Variants in PTPRK observed in about 807,000 individuals in gnomAD.
The protein encoded by PTPRK is receptor-type tyrosine-protein phosphatase kappa.
In PTPRK, 75 loss-of-function variants were observed where a neutral mutation model predicts 178.0. The ratio of observed to expected loss-of-function variants is 0.42; its 90% CI spans 0.35 to 0.51. The LOEUF (loss-of-function observed/expected upper bound fraction) is 0.51, where lower values mean the gene tolerates loss of function less well. Among genes scored for constraint, PTPRK ranks in the 20% least tolerant of loss-of-function variants. The probability of loss-of-function intolerance (pLI) is 0.02; values close to 1 mark genes in which losing one functional copy is unlikely to be tolerated. For missense variants in PTPRK, 1,441 were observed against 1,797.8 expected (o/e 0.80, Z 3.59); for synonymous variants, 637 against 620.6 (o/e 1.03, Z -0.39).
chr6:128,088,413 C>T (rs909235653), intron 8 of PTPRK, among the ~76,000 whole-genome samples: 13 of 151,684 alleles, frequency 8.6e-5, no homozygotes, highest in African/African-American at 3.1e-4. Flanking sequence ...AAATGTAGCC[C>T]TACTGTCAAG....
chr6:128,051,187 T>C (rs1325250178), intron 13 of PTPRK, among the ~76,000 whole-genome samples: 2 of 152,182 alleles, frequency 1.3e-5, no homozygotes, highest in African/African-American at 4.8e-5. Flanking sequence ...CCTCTAGAAA[T>C]GTATTCTTTC....
intron 13 of PTPRK, among the ~76,000 whole-genome samples, chr6:128,060,286 T>C (rs1780592782): frequency 6.6e-6 from 1 of 152,182 alleles, no homozygotes; most frequent in South Asian, 2.1e-4. Context: ...GAGCTATTAT[T>C]TCTACTTTGA....
intron 1 of PTPRK, among the ~76,000 whole-genome samples, chr6:128,462,599 G>C (rs558631234): frequency 5.7e-4 from 87 of 151,476 alleles, no homozygotes; most frequent in African/African-American, 2.0e-3. Context: ...GAAAATGGAA[G>C]GCTATCTGGG....
At chr6:128,016,925 A>C (rs1779655281) in intron 13 of PTPRK, among the ~76,000 whole-genome samples, 1 of 151,984 alleles carries the variant, frequency 6.6e-6, no homozygotes, top group Admixed American at 6.6e-5. Context: ...TTTCCATTTT[A>C]TTCTTAGAGG....
At chr6:128,009,444 T>C (rs1177614025) in intron 13 of PTPRK, among the ~76,000 whole-genome samples, 176 bp from the exon 14 acceptor site, 1 of 150,846 alleles carries the variant, frequency 6.6e-6, no homozygotes, top group African/African-American at 2.4e-5. Context: ...AGGGTTGAGG[T>C]AAGGAAATCT....
At chr6:128,217,646 T>C (rs1305910041) in intron 6 of PTPRK, among the ~76,000 whole-genome samples, 1 of 152,180 alleles carries the variant, frequency 6.6e-6, no homozygotes, top group Middle Eastern at 3.2e-3. Context: ...TGCCAAGCAT[T>C]ATAAAATATG....
chr6:128,116,868 T>C (rs982756997), intron 7 of PTPRK, among the ~76,000 whole-genome samples: 2 of 152,104 alleles, frequency 1.3e-5, no homozygotes, highest in Non-Finnish European at 2.9e-5. Context: ...ACTAATAGGC[T>C]GGGCATGGTG....
At chr6:128,459,123 C>G (rs1263836412) in intron 1 of PTPRK, among the ~76,000 whole-genome samples, 1 of 152,084 alleles carries the variant, frequency 6.6e-6, no homozygotes, top group African/African-American at 2.4e-5. Context: ...CTTTGGCAGG[C>G]TCCTCATTTG....
chr6:128,107,300 T>C (rs1253430075), intron 7 of PTPRK, among the ~76,000 whole-genome samples: 3 of 152,130 alleles, frequency 2.0e-5, no homozygotes, highest in East Asian at 3.8e-4. Context: ...AATTACAGTA[T>C]GACAGTTTCA....
chr6:128,039,184 ATC>A (rs1247243721), intron 13 of PTPRK, among the ~76,000 whole-genome samples: 10 of 152,190 alleles, frequency 6.6e-5, no homozygotes, highest in Admixed American at 1.3e-4. Context: ...ATCCCAAGAA[ATC>A]TGAATAAACT....
At chr6:128,176,864 A>C (rs555751981) in intron 7 of PTPRK, among the ~76,000 whole-genome samples, 1 of 151,776 alleles carries the variant, frequency 6.6e-6, no homozygotes, top group African/African-American at 2.4e-5. Flanking sequence ...TTTTCAATCA[A>C]GAAATTGCAC....
At chr6:128,350,342 A>C (rs72974007) in intron 2 of PTPRK, among the ~76,000 whole-genome samples, 24,591 of 152,174 alleles carry the variant, frequency 0.16, 2,087 homozygotes, top group Non-Finnish European at 0.18. Context: ...CAGGTATTAT[A>C]TATGTTGGAG....
At chr6:128,391,247 T>C (rs1169777965) in intron 2 of PTPRK, among the ~76,000 whole-genome samples, 1 of 152,156 alleles carries the variant, frequency 6.6e-6, no homozygotes, top group African/African-American at 2.4e-5. Context: ...TCCAGTACTT[T>C]TTGAGGTTTT....
chr6:128,340,057 C>G (rs1247460540), intron 2 of PTPRK, among the ~76,000 whole-genome samples: 1 of 152,094 alleles, frequency 6.6e-6, no homozygotes, highest in African/African-American at 2.4e-5. Context: ...GAGGGTCAAG[C>G]TGTTAAGGAG....
chr6:128,224,573 T>C (rs1018389200), intron 5 of PTPRK, among the ~76,000 whole-genome samples: 18 of 152,296 alleles, frequency 1.2e-4, no homozygotes, highest in African/African-American at 3.8e-4. Context: ...ACTTTAGATA[T>C]ATTGTATCAA....
At chr6:128,010,837 G>C (rs1583631962) in intron 13 of PTPRK, among the ~76,000 whole-genome samples, 1 of 151,014 alleles carries the variant, frequency 6.6e-6, no homozygotes, top group South Asian at 2.1e-4. Context: ...GGCTTTGGCT[G>C]GTGTATTTTG....
chr6:128,385,480 A>C (rs568942485), intron 2 of PTPRK, among the ~76,000 whole-genome samples: 1 of 152,320 alleles, frequency 6.6e-6, no homozygotes, highest in East Asian at 1.9e-4. Context: ...AAATGTGTCC[A>C]AAATAATTCA....
chr6:128,368,558 A>C (rs917859571), intron 2 of PTPRK, among the ~76,000 whole-genome samples: 6 of 152,120 alleles, frequency 3.9e-5, no homozygotes, highest in African/African-American at 1.4e-4. Flanking sequence ...TTTATTTTTA[A>C]CACAAAATAA....
intron 15 of PTPRK, among the ~76,000 whole-genome samples, chr6:128,002,017 C>T (rs568847176): frequency 5.3e-5 from 8 of 151,850 alleles, no homozygotes; most frequent in Non-Finnish European, 1.2e-4. Context: ...GGGGCAAATC[C>T]CCAGTTCACT....
Sources: gnomAD v4.1 joint callset for allele counts (sites outside exome capture counted in the v4.1 genomes callset) on GRCh38, gnomAD v4.1.1 for gene constraint, MANE v1.5 for transcripts, NCBI Gene and HGNC (gene_info 2026-07-23, HGNC 2026-07-21) for gene names.